TSHZ3: variants seen among roughly 807,000 people sequenced by gnomAD.
TSHZ3 encodes teashirt homolog 3.
TSHZ3 carries 10 observed loss-of-function variants against 64.5 expected under a neutral mutation model. The ratio of observed to expected loss-of-function variants is 0.16; its 90% CI spans 0.10 to 0.26. The LOEUF is 0.26. Ranked by LOEUF, TSHZ3 falls within the 10% of genes least tolerant of loss-of-function variation. TSHZ3 has a pLI of 1.00. For synonymous variants in TSHZ3, 608 were observed against 593.1 expected, an observed-to-expected ratio of 1.03 and a Z score of -0.36; for missense variants, 1,242 against 1,421.7, an observed-to-expected ratio of 0.87 and a Z score of 2.03.
chr19:31,236,191 T>C (rs1975611878), intron 3 of TSHZ3, among the ~76,000 whole-genome samples: 1 of 152,220 alleles, frequency 6.6e-6, no homozygotes, highest in African/African-American at 2.4e-5. Context: ...TCTAGTTATT[T>C]TTAGTTTTTT....
intron 1 of TSHZ3, among the ~76,000 whole-genome samples, chr19:31,311,072 G>T (rs2145154243): frequency 6.6e-6 from 1 of 152,316 alleles, no homozygotes; most frequent in East Asian, 1.9e-4. Context: ...ACCTGGTAAG[G>T]TGGCAGCCAA....
intron 1 of TSHZ3, among the ~76,000 whole-genome samples, chr19:31,268,279 GCT>G (rs1177462813): frequency 1.3e-5 from 2 of 152,096 alleles, no homozygotes; most frequent in Non-Finnish European, 2.9e-5. Context: ...TTAGCAGTGT[GCT>G]CTCTTTCTCC....
intron 1 of TSHZ3, among the ~76,000 whole-genome samples, chr19:31,330,712 G>GA (rs996861372): frequency 2.6e-5 from 4 of 151,568 alleles, no homozygotes; most frequent in African/African-American, 9.7e-5. Flanking sequence ...CCTTGGGCGG[G>GA]GGGAGGAAAG....
intron 1 of TSHZ3, among the ~76,000 whole-genome samples, chr19:31,330,119 C>T (rs1236126591): frequency 6.6e-6 from 1 of 151,160 alleles, no homozygotes; most frequent in African/African-American, 2.4e-5. Context: ...GGGTCAAGAT[C>T]CTTTTTTTTT....
intron 1 of TSHZ3, among the ~76,000 whole-genome samples, chr19:31,305,990 T>G (rs1463412821): frequency 1.3e-5 from 2 of 152,228 alleles, no homozygotes; most frequent in Non-Finnish European, 2.9e-5. Context: ...AAAGCCAGCA[T>G]GATCACAGAT....
intron 1 of TSHZ3, among the ~76,000 whole-genome samples, chr19:31,253,149 T>A (rs1283326437): frequency 1.3e-5 from 2 of 152,180 alleles, no homozygotes; most frequent in African/African-American, 4.8e-5. Context: ...CAGGGTGAGG[T>A]ATCCTCGTGC....
At position 31,349,289 on chromosome 19, in the gene TSHZ3, G is replaced by T; in HGVS notation, c.-70C>A. On this transcript the variant is annotated 5_prime_UTR_variant, in exon 1 of 2. Transcript: ENST00000240587. Reference sequence around the variant, plus strand: ...CGGGCTGAGGACAGGGAGGGAGGGGGCGGCGGGCCCGCGGGGGGGCGAGGC... The same window carrying T: ...CGGGCTGAGGACAGGGAGGGAGGGGTCGGCGGGCCCGCGGGGGGGCGAGGC... 8.2e-7 allele frequency: 1 copy of T among 1,213,022 alleles called. No homozygotes were observed. 75.1% of individuals were successfully genotyped at this position (1,213,022 alleles called of 1,614,324 possible).
chr19:31,177,486 CCACT>C (rs1328317573), intron 5 of TSHZ3, among the ~76,000 whole-genome samples: 1 of 152,246 alleles, frequency 6.6e-6, no homozygotes, highest in Non-Finnish European at 1.5e-5. Context: ...CCACATCCCT[CCACT>C]CTCTGTTCCA....
In TSHZ3 at chr19:31,303,686, G is replaced by C. The variant is rs372300645; in HGVS notation, c.41-23934C>G. Among the ~76,000 whole-genome samples the C allele has an allele frequency of 1.2e-4, 18 of 152,214 alleles. No individual in the cohort carries two copies. The East Asian group carries it at 2.7e-3, about 23-fold the overall frequency. ...CCAGCAAGGTGTCAAGGCCTCACAG[G>C]CCAGATTTCTAAAACCCCAAAGCCC... is the stretch of plus-strand genomic sequence containing the variant. On this transcript the variant is annotated intron_variant, in intron 1 of 1. Transcript: ENST00000240587.
chr19:31,163,152 G>A (rs552856411), intron 5 of TSHZ3, among the ~76,000 whole-genome samples: 1 of 152,302 alleles, frequency 6.6e-6, no homozygotes, highest in East Asian at 1.9e-4. Flanking sequence ...GATAAGCTTT[G>A]TTGGAAAAGA....
intron 1 of TSHZ3, among the ~76,000 whole-genome samples, chr19:31,334,227 C>T (rs1157755294): frequency 6.6e-6 from 1 of 152,140 alleles, no homozygotes; most frequent in Non-Finnish European, 1.5e-5. Context: ...GAAAATAACA[C>T]CACCGCAGCC....
chr19:31,157,573 A>G (rs1599551776), intron 5 of TSHZ3, among the ~76,000 whole-genome samples: 1 of 152,216 alleles, frequency 6.6e-6, no homozygotes, highest in Non-Finnish European at 1.5e-5. Context: ...CCAATACAAA[A>G]AAATGTTGAA....
At chr19:31,289,983 C>T (rs1599628670) in intron 1 of TSHZ3, among the ~76,000 whole-genome samples, 2 of 151,190 alleles carry the variant, frequency 1.3e-5, no homozygotes, top group East Asian at 3.9e-4. Flanking sequence ...ACGCTGTGCC[C>T]CCTGGGTTAT....
intron 6 of TSHZ3, among the ~76,000 whole-genome samples, chr19:31,155,015 G>C (rs1457183937): frequency 6.6e-6 from 1 of 152,198 alleles, no homozygotes; most frequent in Admixed American, 6.5e-5. Flanking sequence ...CTCCCACCTG[G>C]GAAGAGAAGT....
intron 1 of TSHZ3, among the ~76,000 whole-genome samples, chr19:31,269,216 C>G (rs546472168): frequency 6.6e-6 from 1 of 152,190 alleles, no homozygotes; most frequent in African/African-American, 2.4e-5. Flanking sequence ...CAGAAGAACT[C>G]AAACACATGC....
At chr19:31,273,390 C>G (rs1227209217), downstream of TSHZ3, among the ~76,000 whole-genome samples, 1 of 152,158 alleles carries the variant, frequency 6.6e-6, no homozygotes, top group Non-Finnish European at 1.5e-5. Context: ...AATCCTCACA[C>G]CAACCCCCAA....
chr19:31,226,977 CTTTTTTTTT>C (rs3030229), intron 4 of TSHZ3, among the ~76,000 whole-genome samples: 6 of 65,680 alleles, frequency 9.1e-5, no homozygotes, highest in Admixed American at 4.4e-4. Context: ...TTCTTTCTTT[CTTTTTTTTT>C]TTTTTTTTTT....
chr19:31,258,037 G>A (rs1975935402), intron 1 of TSHZ3, among the ~76,000 whole-genome samples: 1 of 152,150 alleles, frequency 6.6e-6, no homozygotes, highest in South Asian at 2.1e-4. Context: ...TGAGACTGGG[G>A]CAATTGATAA....
intron 3 of TSHZ3, among the ~76,000 whole-genome samples, chr19:31,231,606 T>TTA (rs1364230687): frequency 1.3e-5 from 2 of 152,208 alleles, no homozygotes; most frequent in Non-Finnish European, 2.9e-5. Context: ...ACTATCTGAG[T>TTA]TATATATCTT....
Sources: gnomAD v4.1 joint callset for allele counts (sites outside exome capture counted in the v4.1 genomes callset) on GRCh38, gnomAD v4.1.1 for gene constraint, MANE v1.5 for transcripts, NCBI Gene and HGNC (gene_info 2026-07-23, HGNC 2026-07-21) for gene names.